The following SAXO1 variants were observed in gnomAD, a reference collection of about 807,000 sequenced individuals.
SAXO1 encodes 4930500O09Rik.
In SAXO1, 21 loss-of-function variants were observed where a neutral mutation model predicts 17.5. The observed-to-expected ratio is 1.20, with a 90% confidence interval of 0.85 to 1.72. SAXO1 has a LOEUF of 1.72. Ranked by LOEUF, SAXO1 falls within the 40% of genes most tolerant of loss-of-function variation. The pLI is 0.00. For missense variants in SAXO1, 843 were observed against 596.0 expected (o/e 1.41, Z -4.32); for synonymous variants, 274 against 216.5 (o/e 1.27, Z -2.33).
At chr9:19,046,500 A>C (rs1283308535) in intron 1 of SAXO1, among the ~76,000 whole-genome samples, 2 of 152,090 alleles carry the variant, frequency 1.3e-5, no homozygotes, top group African/African-American at 2.4e-5. Flanking sequence ...GTTCGAGACC[A>C]GCCTGACCAA....
rs775730058 is a variant in SAXO1, at chr9:18,928,685, T to C, written c.792A>G (p.Leu264=). ...SLKPLARPPG[L]DMPFCNTTEF... ...CAGTGGTGTTACAGAAAGGCATGTC[T>C]AGCCCAGGAGGCCTGGCTAGAGGTT... Residue 264 remains leucine, a synonymous_variant, in exon 4 of 4, where the codon CTA becomes CTG. Coordinates refer to ENST00000380534, the MANE Select transcript of SAXO1 (RefSeq NM_153707.4). 4.3e-6 allele frequency: 7 copies of C among 1,613,996 alleles called. No homozygotes were observed. The African/African-American group carries it at 8.0e-5, about 18-fold the overall frequency.
chr9:19,025,908 T>G (rs1019688074), intron 1 of SAXO1, among the ~76,000 whole-genome samples: 3 of 152,154 alleles, frequency 2.0e-5, no homozygotes, highest in Non-Finnish European at 4.4e-5. Context: ...GATACTATTT[T>G]CTCAGTTGGA....
intron 1 of SAXO1, chr9:19,027,009 AAG>A: frequency 3.5e-6 from 3 of 861,926 alleles, no homozygotes; most frequent in Non-Finnish European, 4.0e-6. Context: ...CAAGATCATG[AAG>A]AGTTAACTGT....
At chr9:19,041,161 G>GAAA (rs35085745) in intron 1 of SAXO1, among the ~76,000 whole-genome samples, 7 of 73,036 alleles carry the variant, frequency 9.6e-5, no homozygotes, top group East Asian at 4.5e-4. Flanking sequence ...TGAACAATCT[G>GAAA]AAAAAAAAAA....
intron 1 of SAXO1, among the ~76,000 whole-genome samples, chr9:19,022,265 G>A (rs1177501679): frequency 2.0e-5 from 3 of 152,170 alleles, no homozygotes; most frequent in African/African-American, 4.8e-5. Context: ...AGAAACTCTG[G>A]ACACATCTGA....
rs775843672 is a variant in SAXO1, at chr9:18,950,747, T to C, written c.218+11A>G. 5.6e-6 allele frequency: 9 copies of C among 1,610,844 alleles called. No homozygotes were observed. Among genetic ancestry groups the C allele is most frequent in the Non-Finnish European group, 7.6e-6 (9 of 1,177,802 alleles). The stretch of plus-strand genomic sequence containing the variant: ...TATGTACCTGCATACATTAATACTG[T>C]TTGCCCTCACCTTGATGTAGTCAGG... On this transcript the variant is annotated intron_variant, in intron 2 of 3. Transcript: ENST00000380534.
chr9:18,969,836 C>A (rs1832878477), intron 1 of SAXO1, among the ~76,000 whole-genome samples: 1 of 152,238 alleles, frequency 6.6e-6, no homozygotes, highest in Non-Finnish European at 1.5e-5. Context: ...GCCGCCACCA[C>A]CAATATCCCA....
chr9:18,953,286 T>C (rs1316307644), intron 1 of SAXO1, among the ~76,000 whole-genome samples: 2 of 152,244 alleles, frequency 1.3e-5, no homozygotes, highest in East Asian at 1.9e-4. Flanking sequence ...TTTTTTAAAC[T>C]GGTAAAACTA....
chr9:18,967,823 G>A (rs1226602573), intron 1 of SAXO1, among the ~76,000 whole-genome samples: 1 of 152,086 alleles, frequency 6.6e-6, no homozygotes, highest in African/African-American at 2.4e-5. Context: ...CTAGCTCGGT[G>A]TCTGCCCAAA....
At chr9:19,031,759 A>G (rs1180081248) in intron 1 of SAXO1, among the ~76,000 whole-genome samples, 1 of 152,130 alleles carries the variant, frequency 6.6e-6, no homozygotes, top group Non-Finnish European at 1.5e-5. Flanking sequence ...CCACTCTGAG[A>G]GTATCAATTC....
rs1205751088 is a variant in SAXO1, at chr9:18,988,739, TTATAA to T, written c.39-37807_39-37803del. 2.0e-5 allele frequency among the ~76,000 whole-genome samples: 3 copies of T among 152,206 alleles called. No homozygotes were observed. In the South Asian group the frequency reaches 6.2e-4, roughly 32 times the overall value. ...GATGTAAATTGCTGTATCTTTACTT[TTATAA>T]TATATTAGTAACCACATGTATGATT... On this transcript the variant is annotated intron_variant, in intron 1 of 3. Transcript: ENST00000380534.
intron 1 of SAXO1, among the ~76,000 whole-genome samples, chr9:18,959,317 A>T (rs142175632): frequency 3.9e-5 from 6 of 152,168 alleles, no homozygotes; most frequent in African/African-American, 1.4e-4. Flanking sequence ...AACAAAAATA[A>T]TCGGTGGAAA....
intron 3 of SAXO1, among the ~76,000 whole-genome samples, chr9:18,935,237 T>TA (rs1831233845): frequency 1.3e-5 from 2 of 152,240 alleles, no homozygotes; most frequent in Non-Finnish European, 2.9e-5. Context: ...TCTGTCAGCA[T>TA]AGTTTAGTGG....
At chr9:19,005,933 G>A (rs1022774401) in intron 1 of SAXO1, among the ~76,000 whole-genome samples, 1 of 151,834 alleles carries the variant, frequency 6.6e-6, no homozygotes, top group Non-Finnish European at 1.5e-5. Flanking sequence ...TTTTAAAATG[G>A]CAAAAACAAA....
chr9:18,932,671 G>C (rs887676069), intron 3 of SAXO1, among the ~76,000 whole-genome samples: 2 of 152,168 alleles, frequency 1.3e-5, no homozygotes, highest in East Asian at 1.9e-4. Context: ...CATGAACACA[G>C]AATGTCCATC....
At chr9:18,941,505 G>A in intron 3 of SAXO1, 132 bp downstream of exon 3, 1 of 947,168 alleles carries the variant, frequency 1.1e-6, no homozygotes, top group African/African-American at 1.6e-5. Context: ...ACAGGCTGCT[G>A]GCCAGATCTG....
intron 1 of SAXO1, among the ~76,000 whole-genome samples, chr9:19,043,402 G>C (rs1048401435): frequency 6.6e-6 from 1 of 152,142 alleles, no homozygotes; most frequent in Non-Finnish European, 1.5e-5. Context: ...AGGCTGGGAA[G>C]GATAACAGGG....
intron 1 of SAXO1, among the ~76,000 whole-genome samples, chr9:18,994,782 G>C (rs1260773596): frequency 6.6e-6 from 1 of 152,188 alleles, no homozygotes; most frequent in African/African-American, 2.4e-5. Flanking sequence ...AAGACTGAAA[G>C]CTATTAGCAG....
chr9:19,010,987 A>G (rs763778960), intron 1 of SAXO1, among the ~76,000 whole-genome samples: 2 of 152,176 alleles, frequency 1.3e-5, no homozygotes, highest in Non-Finnish European at 2.9e-5. Flanking sequence ...AAGGCCCAGA[A>G]AGGTTTTTAA....
Sources: allele counts gnomAD v4.1 joint callset (sites outside exome capture counted in the v4.1 genomes callset), GRCh38; gene constraint gnomAD v4.1.1; transcripts MANE v1.5; gene names NCBI Gene and HGNC (gene_info 2026-07-23, HGNC 2026-07-21).